Variants in DLG2 observed in about 807,000 individuals in gnomAD.
The protein encoded by DLG2 is discs large MAGUK scaffold protein 2.
A neutral mutation model predicts 132.5 loss-of-function variants in DLG2; 45 were observed. The observed-to-expected ratio is 0.34, with a 90% CI of 0.27 to 0.44. The LOEUF is 0.44. DLG2 is among the 20% of genes least tolerant of loss of function. The pLI, the probability that DLG2 is intolerant of heterozygous loss-of-function variation, is 1.00. For missense variants in DLG2, 1,045 were observed against 1,196.9 expected, an observed-to-expected ratio of 0.87 and a Z score of 1.87; for synonymous variants, 424 against 419.6, an observed-to-expected ratio of 1.01 and a Z score of -0.13.
intron 3 of DLG2, among the ~76,000 whole-genome samples, chr11:85,423,936 C>G (rs1395282501): frequency 6.6e-6 from 1 of 152,336 alleles, no homozygotes; most frequent in East Asian, 1.9e-4. Flanking sequence ...CCCCCAGGTT[C>G]TGGCCAGGAG....
intron 6 of DLG2, among the ~76,000 whole-genome samples, chr11:84,930,449 C>A (rs1288919909): frequency 1.3e-5 from 2 of 152,116 alleles, no homozygotes; most frequent in Non-Finnish European, 2.9e-5. Context: ...AAGGCTCCAA[C>A]ACTGCCTGAT....
At chr11:85,124,123 G>A (rs1311854217) in intron 5 of DLG2, among the ~76,000 whole-genome samples, 1 of 152,200 alleles carries the variant, frequency 6.6e-6, no homozygotes, top group Non-Finnish European at 1.5e-5. Context: ...CTATTTATTG[G>A]CTATGTGTAT....
chr11:85,424,746 T>A (rs2090582559), intron 3 of DLG2, among the ~76,000 whole-genome samples: 1 of 152,090 alleles, frequency 6.6e-6, no homozygotes, highest in Non-Finnish European at 1.5e-5. Flanking sequence ...AAACTCTGAT[T>A]TTTTTTAACT....
rs555558236 is a variant in DLG2 at position 84,205,032 on chromosome 11, A to G, written c.574-41521T>C. On this transcript the variant is annotated intron_variant, in intron 8 of 27. Transcript: ENST00000376104. Reference sequence around the variant, plus strand: ...ACTGATGTACTTTAAATTAAAAAACATAGATAGAAATTAAGAGGATGGTAA... The same window carrying G: ...ACTGATGTACTTTAAATTAAAAAACGTAGATAGAAATTAAGAGGATGGTAA... Among the ~76,000 whole-genome samples the G allele has an allele frequency of 1.3e-3, 200 of 152,312 alleles. 1 individual carries two copies. The highest frequency in any genetic ancestry group is 4.7e-3 in the African/African-American group (194 of 41,578).
chr11:84,024,519 G>C (rs937694698), intron 11 of DLG2, among the ~76,000 whole-genome samples: 2 of 152,058 alleles, frequency 1.3e-5, no homozygotes, highest in Non-Finnish European at 2.9e-5. Context: ...TGTCCATTAA[G>C]AGATAAACTG....
At chr11:83,629,349 G>T (rs1054617779) in intron 19 of DLG2, among the ~76,000 whole-genome samples, 1 of 152,126 alleles carries the variant, frequency 6.6e-6, no homozygotes, top group Non-Finnish European at 1.5e-5. Context: ...TCAAAACTCA[G>T]AGGTTATTTG....
intron 6 of DLG2, among the ~76,000 whole-genome samples, chr11:85,096,738 C>A (rs1014969192): frequency 3.3e-5 from 5 of 152,162 alleles, no homozygotes; most frequent in African/African-American, 4.8e-5. Context: ...GCGATGAGTA[C>A]CATCAGACCC....
At chr11:83,512,322 T>C (rs1457171884) in intron 21 of DLG2, among the ~76,000 whole-genome samples, 2 of 152,072 alleles carry the variant, frequency 1.3e-5, no homozygotes, top group East Asian at 3.9e-4. Context: ...GGGAAATACA[T>C]TCGAGACGCA....
At chr11:84,933,866 C>T (rs916873902) in intron 6 of DLG2, among the ~76,000 whole-genome samples, 1 of 152,128 alleles carries the variant, frequency 6.6e-6, no homozygotes, top group Non-Finnish European at 1.5e-5. Context: ...CTTCTCTTTC[C>T]TCATTGCCCT....
chr11:85,435,690 T>A (rs897607003), intron 3 of DLG2, among the ~76,000 whole-genome samples: 1 of 152,202 alleles, frequency 6.6e-6, no homozygotes, highest in African/African-American at 2.4e-5. Context: ...AAACATTCCA[T>A]GCTCATGGAT....
At chr11:83,809,368 C>T (rs2046699552) in intron 17 of DLG2, among the ~76,000 whole-genome samples, 1 of 152,154 alleles carries the variant, frequency 6.6e-6, no homozygotes, top group Admixed American at 6.5e-5. Flanking sequence ...ACATAATGCT[C>T]TGTGACTCTA....
At chr11:83,676,321 A>G (rs1311213147) in intron 18 of DLG2, among the ~76,000 whole-genome samples, 1 of 152,220 alleles carries the variant, frequency 6.6e-6, no homozygotes, top group Non-Finnish European at 1.5e-5. Context: ...GCAGTGTGGC[A>G]GGACCAAAAG....
At chr11:84,311,234 G>C (rs777545060) in intron 7 of DLG2, among the ~76,000 whole-genome samples, 3 of 152,096 alleles carry the variant, frequency 2.0e-5, no homozygotes, top group Non-Finnish European at 2.9e-5. Context: ...TCTAATGAAA[G>C]AGCACAATAT....
intron 7 of DLG2, among the ~76,000 whole-genome samples, chr11:84,438,648 T>C (rs1392574664): frequency 6.6e-6 from 1 of 152,148 alleles, no homozygotes; most frequent in Admixed American, 6.5e-5. Context: ...TATTAGAGTT[T>C]AGACTATTAT....
At chr11:85,301,451 C>T (rs1326154870) in intron 3 of DLG2, among the ~76,000 whole-genome samples, 1 of 152,064 alleles carries the variant, frequency 6.6e-6, no homozygotes, top group East Asian at 1.9e-4. Flanking sequence ...GTACAAAAGA[C>T]AGAGGCATAA....
intron 10 of DLG2, among the ~76,000 whole-genome samples, chr11:84,071,250 C>A (rs538272972): frequency 1.3e-5 from 2 of 151,942 alleles, no homozygotes; most frequent in African/African-American, 2.4e-5. Flanking sequence ...CACCATCACA[C>A]TGGCTTTTTT....
intron 3 of DLG2, among the ~76,000 whole-genome samples, chr11:85,476,640 G>T (rs1211913799): frequency 6.6e-6 from 1 of 151,212 alleles, no homozygotes. Context: ...AAACTTTTTT[G>T]TTAAAAACTG....
intron 6 of DLG2, among the ~76,000 whole-genome samples, chr11:85,049,840 A>G (rs772936848): frequency 1.3e-5 from 2 of 152,078 alleles, no homozygotes; most frequent in Non-Finnish European, 2.9e-5. Flanking sequence ...GGGTAAAATG[A>G]TGGGGAAAAT....
chr11:84,646,761 G>A (rs1594785971), intron 6 of DLG2, among the ~76,000 whole-genome samples: 1 of 151,994 alleles, frequency 6.6e-6, no homozygotes, highest in African/African-American at 2.4e-5. Flanking sequence ...AGTTCCTGCT[G>A]AATTATACTG....
Sources: gnomAD v4.1 joint callset for allele counts (sites outside exome capture counted in the v4.1 genomes callset) on GRCh38, gnomAD v4.1.1 for gene constraint, MANE v1.5 for transcripts, NCBI Gene and HGNC (gene_info 2026-07-23, HGNC 2026-07-21) for gene names.